The following TRPM3 variants were observed in gnomAD, a reference collection of about 807,000 sequenced individuals.
TRPM3 encodes transient receptor potential cation channel subfamily M member 3.
Under a neutral mutation model 181.2 loss-of-function variants are expected in TRPM3, and 77 were observed. The ratio of observed to expected loss-of-function variants is 0.42; its 90% CI spans 0.35 to 0.51. The LOEUF (loss-of-function observed/expected upper bound fraction) is 0.51, where lower values mean the gene tolerates loss of function less well. TRPM3 is among the 20% of genes least tolerant of loss of function. The pLI is 0.01. For missense variants in TRPM3, 1,759 were observed against 2,196.7 expected (o/e 0.80, Z 3.98); for synonymous variants, 745 against 796.4 (o/e 0.94, Z 1.09).
chr9:70,683,260 C>T, intron 8 of TRPM3, among the ~76,000 whole-genome samples: 1 of 151,996 alleles, frequency 6.6e-6, no homozygotes, highest in East Asian at 1.9e-4. Context: ...TTTTCTGTCA[C>T]TCAGGCTGGA....
intron 1 of TRPM3, among the ~76,000 whole-genome samples, chr9:71,240,645 T>C (rs1165442600): frequency 6.6e-6 from 1 of 150,846 alleles, no homozygotes; most frequent in Non-Finnish European, 1.5e-5. Flanking sequence ...ATATCTTCTC[T>C]TGTTGGAACA....
At chr9:70,793,647 C>T (rs1392924797) in intron 6 of TRPM3, 3 of 470,528 alleles carry the variant, frequency 6.4e-6, no homozygotes, top group South Asian at 4.6e-5. Flanking sequence ...GCAGTCTTCA[C>T]CTGTCTTTTA....
At chr9:70,653,381 G>C (rs141229099) in intron 9 of TRPM3, among the ~76,000 whole-genome samples, 1 of 152,230 alleles carries the variant, frequency 6.6e-6, no homozygotes, top group East Asian at 1.9e-4. Context: ...TTGCGGACCA[G>C]AGTCAGGGCC....
At chr9:71,262,948 G>C (rs1450267752) in intron 1 of TRPM3, among the ~76,000 whole-genome samples, 3 of 152,190 alleles carry the variant, frequency 2.0e-5, no homozygotes, top group African/African-American at 2.4e-5. Flanking sequence ...GACTGGAGCT[G>C]TCCCTATTTG....
chr9:71,438,054 C>A (rs1298042545), intron 1 of TRPM3, among the ~76,000 whole-genome samples: 5 of 152,024 alleles, frequency 3.3e-5, no homozygotes, highest in African/African-American at 9.7e-5. Flanking sequence ...GGCACCTGGT[C>A]AAATCACTAG....
In TRPM3 at chr9:70,609,622, C is replaced by G. The variant is rs1004013091; in HGVS notation, c.2667+987G>C. On this transcript the variant is annotated intron_variant, in intron 19 of 25. Transcript: ENST00000677713. Reference sequence around the variant, plus strand: ...ATGCTACCTGTTGGGGACAGCCCCCCACAATGAAGAATTATCCTGCCCTAA... The same window carrying G: ...ATGCTACCTGTTGGGGACAGCCCCCGACAATGAAGAATTATCCTGCCCTAA... Among the ~76,000 whole-genome samples, 4 of 152,200 alleles carry G rather than the reference C, an allele frequency of 2.6e-5. No individual in the cohort carries two copies. The South Asian group carries it at 8.3e-4, about 32-fold the overall frequency.
At chr9:71,112,347 A>G (rs2071302266) in intron 1 of TRPM3, among the ~76,000 whole-genome samples, 2 of 152,228 alleles carry the variant, frequency 1.3e-5, no homozygotes, top group African/African-American at 4.8e-5. Context: ...TTATCAAAGC[A>G]GATATCTGGT....
At chr9:70,550,047 A>G (rs2131821758) in intron 24 of TRPM3, among the ~76,000 whole-genome samples, 1 of 152,266 alleles carries the variant, frequency 6.6e-6, no homozygotes, top group Non-Finnish European at 1.5e-5. Context: ...GACATTGTTG[A>G]TTGGCCTTAC....
chr9:70,750,378 T>C (rs1266558421), intron 8 of TRPM3, among the ~76,000 whole-genome samples: 1 of 152,194 alleles, frequency 6.6e-6, no homozygotes, highest in African/African-American at 2.4e-5. Context: ...AAAGCCACAT[T>C]AAATAGTTTG....
At chr9:70,756,978 A>G (rs1045118959) in intron 8 of TRPM3, among the ~76,000 whole-genome samples, 1 of 152,174 alleles carries the variant, frequency 6.6e-6, no homozygotes, top group African/African-American at 2.4e-5. Flanking sequence ...ACAAGAAATA[A>G]CTAAGATCAG....
intron 8 of TRPM3, among the ~76,000 whole-genome samples, chr9:70,689,834 G>GA (rs1044360351): frequency 6.6e-6 from 1 of 152,006 alleles, no homozygotes; most frequent in African/African-American, 2.4e-5. Context: ...CATTTTCTGG[G>GA]AAAAAAATAG....
At chr9:70,754,139 G>C (rs1228040097) in intron 8 of TRPM3, among the ~76,000 whole-genome samples, 1 of 152,176 alleles carries the variant, frequency 6.6e-6, no homozygotes, top group Non-Finnish European at 1.5e-5. Context: ...AGGAGCTCCA[G>C]GAGGCAGCAG....
chr9:71,198,338 A>C (rs11142726), intron 1 of TRPM3, among the ~76,000 whole-genome samples: 3 of 151,022 alleles, frequency 2.0e-5, no homozygotes, highest in African/African-American at 7.3e-5. Flanking sequence ...TGGCTTAGGA[A>C]TGACTTGGTG....
At chr9:70,943,852 T>C (rs750159607) in intron 1 of TRPM3, among the ~76,000 whole-genome samples, 4 of 152,176 alleles carry the variant, frequency 2.6e-5, no homozygotes, top group Non-Finnish European at 5.9e-5. Flanking sequence ...GCTTCTTGGC[T>C]CACTGCAATC....
intron 1 of TRPM3, among the ~76,000 whole-genome samples, chr9:71,298,000 A>G (rs530237732): frequency 1.3e-5 from 2 of 152,276 alleles, no homozygotes; most frequent in Admixed American, 1.3e-4. Context: ...TAAACATAGC[A>G]TCAAAATGTT....
At chr9:71,378,282 C>A (rs527873869) in intron 1 of TRPM3, among the ~76,000 whole-genome samples, 21 of 152,128 alleles carry the variant, frequency 1.4e-4, no homozygotes, top group Admixed American at 5.2e-4. Flanking sequence ...CACTGAAATG[C>A]CAAATTGGAA....
intron 8 of TRPM3, among the ~76,000 whole-genome samples, chr9:70,744,005 G>C (rs1301616116): frequency 6.6e-6 from 1 of 152,028 alleles, no homozygotes; most frequent in South Asian, 2.1e-4. Context: ...CATTGGTTAT[G>C]AGAGAGAATT....
rs745348095 is a variant in TRPM3 at position 70,761,710 on chromosome 9, G to A, written c.1163C>T (p.Ser388Phe). 2 of 1,611,342 alleles carry A rather than the reference G, an allele frequency of 1.2e-6. No homozygotes were observed. Among genetic ancestry groups the A allele is most frequent in the East Asian group, 2.2e-5 (1 of 44,772 alleles). ...AGTCACCAACAGCTGGTCCCTCAAAGATTCATTTATCAGTCTGCAAGTAAA... is the reference window on the plus strand; with the variant it reads ...AGTCACCAACAGCTGGTCCCTCAAAAATTCATTTATCAGTCTGCAAGTAAA... ...YSEEGGLINE[S>F]LRDQLLVTIQ... Residue 388 changes from serine to phenylalanine, a missense_variant, in exon 8 of 26, where the codon TCT becomes TTT. Around this residue, in one of 8 missense-constraint regions of TRPM3, gnomAD observed 737 missense variants for 957.4 expected, o/e 0.77. Coordinates refer to ENST00000677713, the MANE Select transcript of TRPM3 (RefSeq NM_001366145.2).
chr9:71,060,570 A>G (rs1366336997), intron 1 of TRPM3, among the ~76,000 whole-genome samples: 2 of 152,142 alleles, frequency 1.3e-5, no homozygotes, highest in Non-Finnish European at 2.9e-5. Flanking sequence ...CCCTATGTGG[A>G]AACCTTTTAT....
Sources: gnomAD v4.1 joint callset for allele counts (sites outside exome capture counted in the v4.1 genomes callset) on GRCh38, gnomAD v4.1.1 for gene constraint, gnomAD v4.1.1 regional missense constraint, MANE v1.5 for transcripts, NCBI Gene and HGNC (gene_info 2026-07-23, HGNC 2026-07-21) for gene names.